SFRP1: variants seen among roughly 807,000 people sequenced by gnomAD.
The protein encoded by SFRP1 is secreted frizzled-related protein 1.
Under a neutral mutation model 25.9 loss-of-function variants are expected in SFRP1, and 9 were observed. That is an observed-to-expected ratio of 0.35 (90% CI 0.21 to 0.61). SFRP1 has a LOEUF of 0.61. Among genes scored for constraint, SFRP1 ranks in the 20% least tolerant of loss-of-function variants. The probability of loss-of-function intolerance (pLI) is 0.78; values close to 1 mark genes in which losing one functional copy is unlikely to be tolerated. For synonymous variants in SFRP1, 178 were observed against 174.0 expected, an observed-to-expected ratio of 1.02 and a Z score of -0.18; for missense variants, 346 against 418.2, an observed-to-expected ratio of 0.83 and a Z score of 1.51.
At chr8:41,291,326 A>G (rs1044541633) in intron 2 of SFRP1, among the ~76,000 whole-genome samples, 2 of 152,136 alleles carry the variant, frequency 1.3e-5, no homozygotes, top group African/African-American at 4.8e-5. Context: ...AGGTTGCCGC[A>G]CAAGCTGGCT....
At chr8:41,279,293 A>G (rs551280938) in intron 2 of SFRP1, among the ~76,000 whole-genome samples, 2 of 152,172 alleles carry the variant, frequency 1.3e-5, no homozygotes, top group Non-Finnish European at 2.9e-5. Context: ...CTCTCTGCAC[A>G]GAACTCCGCT....
chr8:41,278,177 G>A (rs997851343), intron 2 of SFRP1, among the ~76,000 whole-genome samples: 4 of 152,176 alleles, frequency 2.6e-5, no homozygotes, highest in East Asian at 1.9e-4. Flanking sequence ...AAGACACAGC[G>A]GAGTAGGGCA....
intron 2 of SFRP1, among the ~76,000 whole-genome samples, chr8:41,296,069 A>G (rs1803840348): frequency 6.6e-6 from 1 of 152,182 alleles, no homozygotes; most frequent in Non-Finnish European, 1.5e-5. Flanking sequence ...GCTCTTGCAC[A>G]CACTGACTAT....
chr8:41,266,193 C>G (rs1307722723), intron 2 of SFRP1, among the ~76,000 whole-genome samples: 1 of 152,040 alleles, frequency 6.6e-6, no homozygotes, highest in Non-Finnish European at 1.5e-5. Flanking sequence ...GTCTCAGTTA[C>G]CCATTCTGCC....
intron 1 of SFRP1, among the ~76,000 whole-genome samples, chr8:41,304,864 C>T (rs1245725331): frequency 6.6e-6 from 1 of 152,064 alleles, no homozygotes; most frequent in Non-Finnish European, 1.5e-5. Context: ...CATTCCTCTC[C>T]CACCTTTACT....
At chr8:41,290,219 A>C (rs1364292902) in intron 2 of SFRP1, among the ~76,000 whole-genome samples, 3 of 152,216 alleles carry the variant, frequency 2.0e-5, no homozygotes, top group Non-Finnish European at 4.4e-5. Flanking sequence ...AGACACCCAT[A>C]TCTCGCAGAT....
intron 2 of SFRP1, among the ~76,000 whole-genome samples, chr8:41,291,400 A>G (rs1420705989): frequency 1.3e-5 from 2 of 152,104 alleles, no homozygotes; most frequent in African/African-American, 4.8e-5. Context: ...AGCTAACCAC[A>G]AAGAGATTCG....
At chr8:41,268,799 G>T (rs1803467471) in intron 2 of SFRP1, among the ~76,000 whole-genome samples, 1 of 152,182 alleles carries the variant, frequency 6.6e-6, no homozygotes, top group African/African-American at 2.4e-5. Flanking sequence ...GAGGGCAGGT[G>T]CTGGCCCAAG....
In SFRP1 at chr8:41,308,992, A is replaced by C. The variant is rs754619436; in HGVS notation, c.168T>G (p.Pro56=). 1.9e-6 allele frequency: 3 copies of C among 1,612,888 alleles called. No homozygotes were observed. The South Asian group carries it at 3.3e-5, about 18-fold the overall frequency. ...YQSGRFYTKP[P]QCVDIPADLR... ...GGTCCGCGGGGATGTCCACGCACTG[A>C]GGTGGCTTGGTGTAGAAGCGCCCGC... The change falls in exon 1 of 3, where the codon CCT becomes CCG. Residue 56 remains proline (P), a synonymous_variant. Transcript: ENST00000220772.
At chr8:41,272,965 C>T (rs773498534) in intron 2 of SFRP1, among the ~76,000 whole-genome samples, 16 of 152,122 alleles carry the variant, frequency 1.1e-4, no homozygotes, top group Non-Finnish European at 1.8e-4. Flanking sequence ...GATCAGTATC[C>T]CAGTTGCACT....
At position 41,309,316 on chromosome 8, in the gene SFRP1, G is replaced by T; in HGVS notation, c.-157C>A. 1.2e-6 allele frequency: 1 copy of T among 865,928 alleles called. No homozygotes were observed. The highest frequency in any genetic ancestry group is 1.5e-6 in the Non-Finnish European group (1 of 668,472). 53.6% of individuals were successfully genotyped at this position (865,928 alleles called of 1,614,324 possible). ...CGCAAGCTGCTGCCCGGTCCCCCCG[G>T]CCAGTGGCGGCCCTCGGCCTGCGGT... On this transcript the variant is annotated 5_prime_UTR_variant, in exon 1 of 3. Coordinates refer to ENST00000220772, the MANE Select transcript of SFRP1 (RefSeq NM_003012.5).
At position 41,280,230 on chromosome 8, in the gene SFRP1, G is replaced by A. The variant is rs115229860; in HGVS notation, c.623-14741C>T. On this transcript the variant is annotated intron_variant, in intron 2 of 2. Coordinates refer to ENST00000220772, the MANE Select transcript of SFRP1 (RefSeq NM_003012.5). Reference sequence around the variant, plus strand: ...GGGATGGTGCGGCAAAGCCCTGCCCGAGGCACACAATCATCCAGTGAGATG... The same window carrying A: ...GGGATGGTGCGGCAAAGCCCTGCCCAAGGCACACAATCATCCAGTGAGATG... Among the ~76,000 whole-genome samples the A allele has an allele frequency of 9.6e-3, 1,457 of 152,312 alleles. 23 individuals are homozygous for A. The highest frequency in any genetic ancestry group is 0.032 in the African/African-American group (1,332 of 41,560).
At position 41,308,680 on chromosome 8, in the gene SFRP1, G is replaced by C; in HGVS notation, c.480C>G (p.Phe160Leu). ...YWPEMLKCDKFPEGDVCIAMT... is the reference protein window; with the variant it reads ...YWPEMLKCDKLPEGDVCIAMT... ...TGGCGATGCAGACGTCCCCCTCGGG[G>C]AACTTGTCACACTTAAGCATCTCGG... The change falls in exon 1 of 3, where the codon TTC (phenylalanine) becomes TTG (leucine). Residue 160 changes from phenylalanine to leucine, a missense_variant. Coordinates refer to ENST00000220772, the MANE Select transcript of SFRP1 (RefSeq NM_003012.5). 6.2e-7 allele frequency: 1 copy of C among 1,611,196 alleles called. No homozygotes were observed. Among genetic ancestry groups the C allele is most frequent in the Non-Finnish European group, 8.5e-7 (1 of 1,178,548 alleles).
chr8:41,275,705 C>T lies in SFRP1; in HGVS notation c.623-10216G>A, dbSNP rs559294995. On this transcript the variant is annotated intron_variant, in intron 2 of 2. Coordinates refer to ENST00000220772, the MANE Select transcript of SFRP1 (RefSeq NM_003012.5). ...TTTTAGTAGAGACGGGGTTTCACCA[C>T]GTTAGCTAGGATGGTCTAGATTTCC... 5.3e-5 allele frequency among the ~76,000 whole-genome samples: 8 copies of T among 151,542 alleles called. No homozygotes were observed. The South Asian group carries it at 1.7e-3, about 32-fold the overall frequency.
Position 41,265,112 on chromosome 8 carries a change from T to TCCCCCCCCCACCCCCCCCCCCC in SFRP1, c.*54_*55insGGGGGGGGGGGGTGGGGGGGGG. The TCCCCCCCCCACCCCCCCCCCCC allele has an allele frequency of 3.9e-6, 2 of 517,774 alleles. No homozygotes were observed. Among genetic ancestry groups the TCCCCCCCCCACCCCCCCCCCCC allele is most frequent in the East Asian group, 3.6e-5 (1 of 28,056 alleles). 32.1% of individuals were successfully genotyped at this position (517,774 alleles called of 1,614,324 possible). A position where few individuals can be genotyped will look rare whatever the true frequency, so the allele number is the denominator to read the frequency against. ...GACCCACCGGGTTCCCGGGGCACTG[T>TCCCCCCCCCACCCCCCCCCCCC]CCCCCCCGCTCCCACCCCACCCGAG... On this transcript the variant is annotated 3_prime_UTR_variant, in exon 3 of 3. Transcript: ENST00000220772.
At chr8:41,303,960 C>T (rs868683574) in intron 1 of SFRP1, among the ~76,000 whole-genome samples, 1 of 152,266 alleles carries the variant, frequency 6.6e-6, no homozygotes, top group Middle Eastern at 3.4e-3. Context: ...CATTTCCACA[C>T]TCCCAGCTAG....
At chr8:41,288,530 CAAAAAAAAAAAAAAAAAAAAAAAAAAAA>C (rs397893046) in intron 2 of SFRP1, among the ~76,000 whole-genome samples, 3 of 39,088 alleles carry the variant, frequency 7.7e-5, no homozygotes, top group African/African-American at 2.6e-4. Context: ...AGACCCTGTC[CAAAAAAAAAAAAAAAAAAAAAAAAAAAA>C]AAAAAAAAAA....
intron 2 of SFRP1, among the ~76,000 whole-genome samples, chr8:41,279,770 G>C (rs1004303189): frequency 6.4e-5 from 7 of 109,884 alleles, no homozygotes; most frequent in African/African-American, 3.3e-4. Context: ...ACAAAGCTAA[G>C]AAAGCAAAAA....
intron 2 of SFRP1, among the ~76,000 whole-genome samples, chr8:41,299,499 TAAAA>T (rs576175856): frequency 7.1e-5 from 4 of 56,068 alleles, no homozygotes; most frequent in African/African-American, 2.6e-4. Flanking sequence ...TTCTCCTTTA[TAAAA>T]AAAAAAAAAA....
Sources: gnomAD v4.1 joint callset for allele counts (sites outside exome capture counted in the v4.1 genomes callset) on GRCh38, gnomAD v4.1.1 for gene constraint, MANE v1.5 for transcripts, NCBI Gene and HGNC (gene_info 2026-07-23, HGNC 2026-07-21) for gene names.